The following DPYD variants were observed in gnomAD, a reference collection of about 807,000 sequenced individuals.
DPYD encodes the protein dihydropyrimidine dehydrogenase.
A neutral mutation model predicts 116.2 loss-of-function variants in DPYD; 109 were observed. The ratio of observed to expected loss-of-function variants is 0.94; its 90% CI spans 0.80 to 1.10. DPYD has a LOEUF of 1.10. Ranked by LOEUF, DPYD falls within the 50% of genes least tolerant of loss-of-function variation. DPYD has a pLI of 0.00. For synonymous variants in DPYD, 440 were observed against 432.0 expected (o/e 1.02, Z -0.23); for missense variants, 1,302 against 1,254.5 (o/e 1.04, Z -0.57).
chr1:97,889,488 A>G (rs1160056613), intron 1 of DPYD, among the ~76,000 whole-genome samples: 3 of 152,200 alleles, frequency 2.0e-5, no homozygotes, highest in East Asian at 1.9e-4. Context: ...TCAGAACAAC[A>G]AACTTTTAAA....
intron 18 of DPYD, among the ~76,000 whole-genome samples, chr1:97,289,269 C>T (rs1336048295): frequency 6.6e-6 from 1 of 152,058 alleles, no homozygotes; most frequent in Non-Finnish European, 1.5e-5. Flanking sequence ...CAAGGAGGAA[C>T]TGGTACCATT....
intron 2 of DPYD, among the ~76,000 whole-genome samples, chr1:97,867,973 G>A (rs1042392367): frequency 3.5e-4 from 53 of 151,328 alleles, no homozygotes; most frequent in African/African-American, 1.2e-3. Flanking sequence ...TAGAAAACCC[G>A]AAAGCCAACA....
chr1:97,452,171 T>C (rs1046902500), intron 13 of DPYD, among the ~76,000 whole-genome samples: 2 of 152,156 alleles, frequency 1.3e-5, no homozygotes, highest in African/African-American at 2.4e-5. Context: ...TTGAGAAGTT[T>C]TTCTTTTCTC....
intron 18 of DPYD, among the ~76,000 whole-genome samples, chr1:97,235,484 C>T (rs1030394801): frequency 3.9e-5 from 6 of 152,058 alleles, no homozygotes; most frequent in East Asian, 3.9e-4. Flanking sequence ...ATTAACCAGG[C>T]GTGGTGGCAG....
chr1:97,549,738 T>C lies in DPYD; in HGVS notation c.1346A>G (p.Glu449Gly), dbSNP rs1238066928. The C allele has an allele frequency of 1.2e-6, 2 of 1,613,332 alleles. No individual in the cohort carries two copies. Among genetic ancestry groups the C allele is most frequent in the East Asian group, 4.5e-5 (2 of 44,850 alleles). The change falls in exon 12 of 23, where the codon GAA becomes GGA. Residue 449 changes from glutamate to glycine, a missense_variant. Physicochemically the swap from Glu to Gly is moderately conservative, Grantham distance 98. Transcript: ENST00000370192. ...GTTAAATTTTATAGGGCTCAAGGCT[T>C]CTTTTACTGAAAAAACAAGTGAAAA... ...GSVLSDPKVK[E>G]ALSPIKFNRW... is the part of the protein sequence containing the mutation.
At chr1:97,781,191 T>C (rs1666724299) in intron 3 of DPYD, among the ~76,000 whole-genome samples, 1 of 152,212 alleles carries the variant, frequency 6.6e-6, no homozygotes, top group African/African-American at 2.4e-5. Flanking sequence ...CTGTATGTGA[T>C]TACTATAAAT....
intron 19 of DPYD, among the ~76,000 whole-genome samples, chr1:97,205,759 G>A (rs968865941): frequency 6.6e-6 from 1 of 152,040 alleles, no homozygotes; most frequent in South Asian, 2.1e-4. Flanking sequence ...ATCTGGCACA[G>A]CCTCTTTTTC....
In DPYD at chr1:97,602,187, T is replaced by C. The variant is rs113724251; in HGVS notation, c.851-7021A>G. The stretch of plus-strand genomic sequence containing the variant: ...ATCTGATACATGCTGAATTTCTCTT[T>C]GTATTTAATGTATAAAACAGTACAA... On this transcript the variant is annotated intron_variant, in intron 8 of 22. Coordinates refer to ENST00000370192, the MANE Select transcript of DPYD (RefSeq NM_000110.4). Among the ~76,000 whole-genome samples the C allele has an allele frequency of 2.3e-3, 353 of 152,140 alleles. 1 individual carries two copies. The highest frequency in any genetic ancestry group is 3.7e-3 in the Non-Finnish European group (254 of 67,872).
intron 14 of DPYD, among the ~76,000 whole-genome samples, chr1:97,447,583 A>C (rs977130550): frequency 4.6e-5 from 7 of 152,246 alleles, no homozygotes; most frequent in Non-Finnish European, 1.0e-4. Flanking sequence ...ATCAGAAACA[A>C]GAAAAGTATG....
At chr1:97,457,791 G>C (rs990489926) in intron 13 of DPYD, among the ~76,000 whole-genome samples, 1 of 152,156 alleles carries the variant, frequency 6.6e-6, no homozygotes, top group Non-Finnish European at 1.5e-5. Context: ...GTTTTAAGGA[G>C]TTCAAACTTT....
intron 11 of DPYD, among the ~76,000 whole-genome samples, chr1:97,552,961 T>A (rs574955583): frequency 1.3e-5 from 2 of 152,006 alleles, no homozygotes; most frequent in East Asian, 3.8e-4. Flanking sequence ...TATATTTTAA[T>A]ACCCAATATT....
chr1:97,673,539 A>C (rs1339277606), intron 8 of DPYD, among the ~76,000 whole-genome samples: 2 of 152,168 alleles, frequency 1.3e-5, no homozygotes, highest in African/African-American at 4.8e-5. Flanking sequence ...TGTACCCGCC[A>C]CTTTGCTAGG....
intron 20 of DPYD, among the ~76,000 whole-genome samples, chr1:97,112,145 T>C (rs181343933): frequency 1.1e-3 from 162 of 152,242 alleles, no homozygotes; most frequent in African/African-American, 3.8e-3. Flanking sequence ...AGTGACACTA[T>C]ATTAATGTAT....
At chr1:97,140,985 T>A (rs1423371960) in intron 20 of DPYD, among the ~76,000 whole-genome samples, 1 of 152,124 alleles carries the variant, frequency 6.6e-6, no homozygotes, top group East Asian at 1.9e-4. Flanking sequence ...CAAATGTAAG[T>A]GTGAGCTGAG....
intron 5 of DPYD, among the ~76,000 whole-genome samples, chr1:97,708,382 T>C (rs1662102655): frequency 6.6e-6 from 1 of 152,066 alleles, no homozygotes; most frequent in Admixed American, 6.6e-5. Flanking sequence ...TAGGGTGGTA[T>C]AAATATCATT....
At chr1:97,706,821 C>T (rs971265066) in intron 5 of DPYD, among the ~76,000 whole-genome samples, 1 of 151,976 alleles carries the variant, frequency 6.6e-6, no homozygotes, top group Non-Finnish European at 1.5e-5. Context: ...TATAAATATC[C>T]ATGTGCAGGT....
chr1:97,274,479 G>A (rs886176363), intron 18 of DPYD, among the ~76,000 whole-genome samples: 1 of 152,114 alleles, frequency 6.6e-6, no homozygotes, highest in African/African-American at 2.4e-5. Flanking sequence ...AGAAGCAGAT[G>A]CCAGCACTAT....
intron 13 of DPYD, among the ~76,000 whole-genome samples, chr1:97,508,375 T>C (rs754280890): frequency 3.3e-5 from 5 of 151,914 alleles, no homozygotes; most frequent in African/African-American, 1.2e-4. Context: ...AGGGAGGAAG[T>C]TGCCATGTTG....
intron 5 of DPYD, chr1:97,719,830 G>T: frequency 1.0e-6 from 1 of 983,990 alleles, no homozygotes; most frequent in Non-Finnish European, 1.2e-6. Flanking sequence ...ACTATAATTG[G>T]AATGAAATAA....
Sources: gnomAD v4.1 joint callset for allele counts (sites outside exome capture counted in the v4.1 genomes callset) on GRCh38, gnomAD v4.1.1 for gene constraint, MANE v1.5 for transcripts, NCBI Gene and HGNC (gene_info 2026-07-23, HGNC 2026-07-21) for gene names.